The following KEL variants were observed in gnomAD, a reference collection of about 807,000 sequenced individuals.
KEL encodes the protein kell blood group glycoprotein.
A neutral mutation model predicts 99.5 loss-of-function variants in KEL; 96 were observed. The ratio of observed to expected loss-of-function variants is 0.97; its 90% CI spans 0.82 to 1.14. The LOEUF is 1.14. Among genes scored for constraint, KEL ranks in the 50% most tolerant of loss-of-function variants. KEL has a pLI of 0.00. For synonymous variants in KEL, 355 were observed against 354.8 expected (o/e 1.00, Z -0.01); for missense variants, 926 against 924.2 (o/e 1.00, Z -0.03).
intron 6 of KEL, among the ~76,000 whole-genome samples, chr7:142,956,830 T>C (rs1796841019): frequency 7.9e-5 from 12 of 152,252 alleles, no homozygotes; most frequent in Admixed American, 7.8e-4. Context: ...CACCTCATAA[T>C]GATAATCAAT....
At chr7:142,957,230 G>A (rs1796848326) in intron 6 of KEL, among the ~76,000 whole-genome samples, 1 of 152,210 alleles carries the variant, frequency 6.6e-6, no homozygotes, top group African/African-American at 2.4e-5. Context: ...CAGTGTGGGG[G>A]ATGGTTGCAG....
rs1227127777 is a variant in KEL, at chr7:142,946,072, C to T, written c.1314+135G>A. On this transcript the variant is annotated intron_variant, in intron 11 of 18. Transcript: ENST00000355265. Reference sequence around the variant, plus strand: ...TGGAGCAGGCCTTTGGGTTCCCTCTCTCAGTGGCCCTTCTCTGACTGCCCA... The same window carrying T: ...TGGAGCAGGCCTTTGGGTTCCCTCTTTCAGTGGCCCTTCTCTGACTGCCCA... 4.3e-6 allele frequency: 3 copies of T among 693,662 alleles called. No individual in the cohort carries two copies. The African/African-American group carries it at 5.3e-5, about 12-fold the overall frequency. The allele number at this position is 693,662 out of a possible 1,614,324, so 43.0% of individuals were successfully genotyped here.
chr7:142,959,569 T>G (rs933413422), intron 4 of KEL, among the ~76,000 whole-genome samples: 23 of 152,104 alleles, frequency 1.5e-4, no homozygotes, highest in African/African-American at 4.1e-4. Flanking sequence ...ACTAGAGAAC[T>G]TTAAGGATTT....
Position 142,944,898 on chromosome 7 carries a change from G to A in KEL, c.1315-157C>T, listed in dbSNP as rs916540018. The A allele has an allele frequency of 3.7e-5, 25 of 684,920 alleles. No individual in the cohort carries two copies. In the East Asian group the frequency reaches 6.8e-4, roughly 19 times the overall value. 42.4% of individuals were successfully genotyped at this position (684,920 alleles called of 1,614,324 possible). ...GAGCAGCTCAACTAAAGCAACTAAA[G>A]GATCTGTGGAGAAAGGAAGGCAGTG... On this transcript the variant is annotated intron_variant, in intron 11 of 18. Coordinates refer to ENST00000355265, the MANE Select transcript of KEL (RefSeq NM_000420.3).
rs753626466 is a variant in KEL at position 142,952,637 on chromosome 7, C to A, written c.1075G>T (p.Asp359Tyr). 2 of 1,613,946 alleles carry A rather than the reference C, an allele frequency of 1.2e-6. No individual in the cohort carries two copies. Among genetic ancestry groups the A allele is most frequent in the Non-Finnish European group, 1.7e-6 (2 of 1,179,968 alleles). Residue 359 changes from aspartate to tyrosine, a missense_variant and splice_region_variant, in exon 10 of 19, where the codon GAC (aspartate) becomes TAC (tyrosine). By Grantham distance (160) the Asp-to-Tyr change is radical (BLOSUM62 -3). Coordinates refer to ENST00000355265, the MANE Select transcript of KEL (RefSeq NM_000420.3). ...LVEEMLLKQRDFLQSHMILGL... is the reference protein window; with the variant it reads ...LVEEMLLKQRYFLQSHMILGL... ...AAGATCATGTGGCTCTGCAGAAAGT[C>A]CCTATGGAGACAAAAGAGACCCACA...
chr7:142,961,641 C>G, intron 2 of KEL, 140 bp from the exon 3 acceptor site: 2 of 1,336,936 alleles, frequency 1.5e-6, no homozygotes, highest in South Asian at 2.3e-5. Flanking sequence ...CTAAACCCAG[C>G]CCTACTTTAA....
At chr7:142,957,755 C>G in intron 6 of KEL, 72 bp downstream of exon 6, 2 of 1,587,814 alleles carry the variant, frequency 1.3e-6, no homozygotes, top group South Asian at 2.2e-5. Flanking sequence ...CTGCAACCTT[C>G]CTCTAAGGGA....
intron 6 of KEL, among the ~76,000 whole-genome samples, chr7:142,955,284 T>C (rs973602631): frequency 6.6e-6 from 1 of 152,184 alleles, no homozygotes; most frequent in Non-Finnish European, 1.5e-5. Context: ...ATGGACTTTT[T>C]TTCCCCAAAA....
At position 142,961,055 on chromosome 7, in the gene KEL, G is replaced by A; in HGVS notation, c.273C>T (p.Ala91=). Reference sequence around the variant, plus strand: ...AGGGGGCCACACTTGTGTTCCCAGAGGCCAGGTAATGATCCCGGAGATCCA... The same window carrying A: ...AGGGGGCCACACTTGTGTTCCCAGAAGCCAGGTAATGATCCCGGAGATCCA... ...VCLDLRDHYL[A]SGNTSVAPCT... is the part of the protein sequence containing the mutation. The change falls in exon 4 of 19, where the codon GCC becomes GCT. Residue 91 remains alanine (A), a synonymous_variant. Coordinates refer to ENST00000355265, the MANE Select transcript of KEL (RefSeq NM_000420.3). The A allele has an allele frequency of 1.2e-6, 2 of 1,614,222 alleles. No homozygotes were observed. Among genetic ancestry groups the A allele is most frequent in the African/African-American group, 2.7e-5 (2 of 75,062 alleles).
chr7:142,947,469 G>C (rs1403362719), intron 10 of KEL, among the ~76,000 whole-genome samples: 1 of 152,176 alleles, frequency 6.6e-6, no homozygotes, highest in Admixed American at 6.5e-5. Flanking sequence ...AGTTAAAGAG[G>C]TTATCATTTT....
At chr7:142,950,331 T>G (rs568977328) in intron 10 of KEL, among the ~76,000 whole-genome samples, 1 of 152,312 alleles carries the variant, frequency 6.6e-6, no homozygotes, top group East Asian at 1.9e-4. Context: ...CTGATCCAGG[T>G]GCCCTGGCTC....
At chr7:142,943,114 G>GGGT (rs1796412665) in intron 16 of KEL, 70 bp from the exon 17 acceptor site, 5 of 1,585,478 alleles carry the variant, frequency 3.2e-6, no homozygotes, top group Non-Finnish European at 4.3e-6. Flanking sequence ...GTGAGGATGT[G>GGGT]GGTGGTACCA....
intron 4 of KEL, among the ~76,000 whole-genome samples, chr7:142,958,708 T>G (rs1180306799): frequency 1.3e-5 from 2 of 152,252 alleles, no homozygotes; most frequent in African/African-American, 4.8e-5. Context: ...TTTGCATCTG[T>G]AAAGCATCTC....
intron 4 of KEL, 97 bp downstream of exon 4, chr7:142,960,831 G>C: frequency 8.1e-7 from 1 of 1,237,180 alleles, no homozygotes; most frequent in Non-Finnish European, 1.2e-6. Context: ...GTGCAAATCA[G>C]TTGTTCCACA....
Position 142,944,387 on chromosome 7 carries a change from T to A in KEL, c.1427A>T (p.Gln476Leu). ...NMAQDKVAQLQVEMGASEWAL... is the reference protein window; with the variant it reads ...NMAQDKVAQLLVEMGASEWAL... ...CCATTCTGAAGCCCCCATCTCCACCTGCAGTTGAGCAACCTGGAGAGAGAC... is the reference window on the plus strand; with the variant it reads ...CCATTCTGAAGCCCCCATCTCCACCAGCAGTTGAGCAACCTGGAGAGAGAC... Residue 476 changes from glutamine (Q) to leucine (L), a missense_variant, in exon 13 of 19, where the codon CAG (glutamine) becomes CTG (leucine). By Grantham distance (113) the Gln-to-Leu change is moderately radical. Transcript: ENST00000355265. 6.2e-7 allele frequency: 1 copy of A among 1,613,642 alleles called. No individual in the cohort carries two copies.
chr7:142,947,635 TCAC>T (rs1207218085), intron 10 of KEL, among the ~76,000 whole-genome samples: 1 of 152,166 alleles, frequency 6.6e-6, no homozygotes, highest in African/African-American at 2.4e-5. Flanking sequence ...ACTGCAACTT[TCAC>T]CTCCCGGGTT....
Position 142,942,984 on chromosome 7 carries a change from A to C in KEL, c.1832T>G (p.Leu611Arg). 6.2e-7 allele frequency: 1 copy of C among 1,614,230 alleles called. No homozygotes were observed. Among genetic ancestry groups the C allele is most frequent in the Non-Finnish European group, 8.5e-7 (1 of 1,180,046 alleles). ...TGGAAAGGCAGCATAATGGCGCTTC[A>C]GGCACAGGTGAGCTTCCTGGAGGGC... ...NHALQEAHLC[L>R]KRHYAAFPLP... The change falls in exon 17 of 19, where the codon CTG (leucine) becomes CGG (arginine). Residue 611 changes from leucine (L) to arginine (R), a missense_variant. Physicochemically the swap from Leu to Arg is moderately radical, Grantham distance 102. Transcript: ENST00000355265.
At chr7:142,946,453 C>G in intron 10 of KEL, 136 bp from the exon 11 acceptor site, 1 of 727,784 alleles carries the variant, frequency 1.4e-6, no homozygotes, top group Non-Finnish European at 2.5e-6. Flanking sequence ...GTTTACTATC[C>G]CTTAGGGTGA....
chr7:142,949,706 C>G (rs1586258042), intron 10 of KEL, among the ~76,000 whole-genome samples: 1 of 152,000 alleles, frequency 6.6e-6, no homozygotes, highest in East Asian at 1.9e-4. Context: ...GACCCGATGC[C>G]CTTCTCCCTT....
Sources: gnomAD v4.1 joint callset for allele counts (sites outside exome capture counted in the v4.1 genomes callset) on GRCh38, gnomAD v4.1.1 for gene constraint, MANE v1.5 for transcripts, NCBI Gene and HGNC (gene_info 2026-07-23, HGNC 2026-07-21) for gene names.